Variants in PIK3R5 observed in about 807,000 individuals in gnomAD.
The protein encoded by PIK3R5 is phosphoinositide 3-kinase regulatory subunit 5.
Under a neutral mutation model 94.9 loss-of-function variants are expected in PIK3R5, and 32 were observed. The observed-to-expected ratio is 0.34, with a 90% CI of 0.25 to 0.45. The LOEUF (loss-of-function observed/expected upper bound fraction) is 0.45, where lower values mean the gene tolerates loss of function less well. Ranked by LOEUF, PIK3R5 falls within the 20% of genes least tolerant of loss-of-function variation. The probability of loss-of-function intolerance (pLI) is 1.00; values close to 1 mark genes in which losing one functional copy is unlikely to be tolerated. For synonymous variants in PIK3R5, 443 were observed against 479.4 expected, an observed-to-expected ratio of 0.92 and a Z score of 0.99; for missense variants, 853 against 1,144.6, an observed-to-expected ratio of 0.75 and a Z score of 3.68.
chr17:8,926,634 C>T (rs1459993839), intron 1 of PIK3R5, among the ~76,000 whole-genome samples: 1 of 152,064 alleles, frequency 6.6e-6, no homozygotes, highest in Non-Finnish European at 1.5e-5. Context: ...TTATTCACTA[C>T]CACAAGAACA....
intron 1 of PIK3R5, among the ~76,000 whole-genome samples, chr17:8,954,336 A>G (rs539767666): frequency 2.1e-4 from 32 of 152,356 alleles, no homozygotes; most frequent in Non-Finnish European, 4.6e-4. Context: ...TCCAGGGTCA[A>G]GTAGGCCAGG....
Position 8,894,038 on chromosome 17 carries a change from C to T in PIK3R5, c.413-383G>A, listed in dbSNP as rs562949997. On this transcript the variant is annotated intron_variant, in intron 5 of 18. Coordinates refer to ENST00000447110, the MANE Select transcript of PIK3R5 (RefSeq NM_001142633.3). ...GAGAAAGAGATCCAGGGTGAGAGCC[C>T]GTGTCGGAAGCCTGAGTTCTATTCC... The T allele has an allele frequency of 4.6e-5, 8 of 172,658 alleles. No homozygotes were observed. In the East Asian group the frequency reaches 8.4e-4, roughly 18 times the overall value. The allele number at this position is 172,658 out of a possible 1,614,324, so 10.7% of individuals were successfully genotyped here. A position where few individuals can be genotyped will look rare whatever the true frequency, so the allele number is the denominator to read the frequency against.
chr17:8,928,314 A>G (rs908654489), intron 1 of PIK3R5, among the ~76,000 whole-genome samples: 1 of 152,224 alleles, frequency 6.6e-6, no homozygotes, highest in Non-Finnish European at 1.5e-5. Flanking sequence ...GGAGAGGAGA[A>G]AGAAGGCAGG....
intron 1 of PIK3R5, among the ~76,000 whole-genome samples, chr17:8,920,802 G>A (rs1054413070): frequency 6.7e-5 from 10 of 149,664 alleles, no homozygotes; most frequent in African/African-American, 2.4e-4. Flanking sequence ...TAAAATACAG[G>A]TCCATATGTA....
chr17:8,933,362 T>A (rs961586797), intron 1 of PIK3R5, among the ~76,000 whole-genome samples: 2 of 152,098 alleles, frequency 1.3e-5, no homozygotes, highest in Non-Finnish European at 1.5e-5. Flanking sequence ...AAAACAATAT[T>A]TTTAAATAAT....
intron 1 of PIK3R5, among the ~76,000 whole-genome samples, chr17:8,949,448 C>T (rs2091335254): frequency 6.6e-6 from 1 of 152,092 alleles, no homozygotes; most frequent in Non-Finnish European, 1.5e-5. Context: ...CATAAAGAAA[C>T]TTGAGGTTGT....
At chr17:8,885,864 G>A (rs1458708592) in intron 14 of PIK3R5, among the ~76,000 whole-genome samples, 3 of 33,920 alleles carry the variant, frequency 8.8e-5, no homozygotes, top group Admixed American at 4.3e-4. Context: ...GGGTAACTCC[G>A]CCTCCCCATG....
Position 8,896,245 on chromosome 17 carries a change from A to AT in PIK3R5, c.413-2591dup, listed in dbSNP as rs2151383873. On this transcript the variant is annotated intron_variant, in intron 5 of 18. Coordinates refer to ENST00000447110, the MANE Select transcript of PIK3R5 (RefSeq NM_001142633.3). The surrounding 1 kb of genome is among the most constrained non-coding windows in gnomAD (Gnocchi z 4.0). ...CCTGGTGATGCCAGGGAGGCCATGAATGCTAAGTGGGGTGTGCAATGTCAG... is the reference window on the plus strand; with the variant it reads ...CCTGGTGATGCCAGGGAGGCCATGAATTGCTAAGTGGGGTGTGCAATGTCAG... 6.6e-6 allele frequency among the ~76,000 whole-genome samples: 1 copy of AT among 152,166 alleles called. No individual in the cohort carries two copies. Among genetic ancestry groups the AT allele is most frequent in the South Asian group, 2.1e-4 (1 of 4,800 alleles).
Position 8,904,122 on chromosome 17 carries a change from A to G in PIK3R5, c.412+655T>C, listed in dbSNP as rs931216001. On this transcript the variant is annotated intron_variant, in intron 5 of 18. Transcript: ENST00000447110. The surrounding 1 kb of genome is among the most constrained non-coding windows in gnomAD (Gnocchi z 5.1). ...TCTATTGAGATGCTTTTGCGAATTT[A>G]TTCCTTTGAGTACTGATTCGCTGAG... is the stretch of plus-strand genomic sequence containing the variant. Among the ~76,000 whole-genome samples, 1 of 152,168 alleles carries G rather than the reference A, an allele frequency of 6.6e-6. No homozygotes were observed. Among genetic ancestry groups the G allele is most frequent in the Non-Finnish European group, 1.5e-5 (1 of 68,024 alleles).
rs2089767486 is a variant in PIK3R5 at position 8,884,652 on chromosome 17, G to T, written c.2205+55C>A. 2.9e-6 allele frequency: 4 copies of T among 1,398,754 alleles called. No homozygotes were observed. Among genetic ancestry groups the T allele is most frequent in the East Asian group, 4.6e-5 (2 of 43,710 alleles). The allele number at this position is 1,398,754 out of a possible 1,614,324, so 86.6% of individuals were successfully genotyped here. On this transcript the variant is annotated intron_variant, in intron 15 of 18. Coordinates refer to ENST00000447110, the MANE Select transcript of PIK3R5 (RefSeq NM_001142633.3). The surrounding 1 kb of genome is among the most constrained non-coding windows in gnomAD (Gnocchi z 5.8). ...CCAGCTCTGGGTCCAAGCTCTGGCG[G>T]AGGAAGTATCAGCAGCAGATCCTGG...
intron 1 of PIK3R5, among the ~76,000 whole-genome samples, chr17:8,948,061 AAAAAAG>A (rs1486770943): frequency 3.4e-5 from 5 of 149,102 alleles, no homozygotes; most frequent in African/African-American, 7.6e-5. Context: ...AAAAAAAAAA[AAAAAAG>A]AAAAGAAAAG....
intron 4 of PIK3R5, 142 bp from the exon 5 acceptor site, chr17:8,905,057 G>A: frequency 1.1e-6 from 1 of 908,648 alleles, no homozygotes; most frequent in South Asian, 1.6e-5. Context: ...ACAAGGTCAG[G>A]TGGAACTGGA....
At position 8,925,020 on chromosome 17, in the gene PIK3R5, A is replaced by G. The variant is rs2090844316; in HGVS notation, c.-13-13513T>C. ...AGATAGATAGTTAGATAGTAGATGG[A>G]TAGATAGATAGATAGTAGATGAATA... On this transcript the variant is annotated intron_variant, in intron 1 of 18. Coordinates refer to ENST00000447110, the MANE Select transcript of PIK3R5 (RefSeq NM_001142633.3). This position sits in a 1 kb window ranked among gnomAD's most constrained non-coding sequence, Gnocchi z 5.1. Among the ~76,000 whole-genome samples, 1 of 152,116 alleles carries G rather than the reference A, an allele frequency of 6.6e-6. No individual in the cohort carries two copies. Among genetic ancestry groups the G allele is most frequent in the African/African-American group, 2.4e-5 (1 of 41,420 alleles).
chr17:8,907,201 T>G (rs2090415427), intron 3 of PIK3R5, among the ~76,000 whole-genome samples: 1 of 151,334 alleles, frequency 6.6e-6, no homozygotes, highest in Non-Finnish European at 1.5e-5. Context: ...TTTTTGTATT[T>G]TTTTTTTTTT....
At chr17:8,947,063 G>A (rs1413437422) in intron 1 of PIK3R5, among the ~76,000 whole-genome samples, 1 of 145,594 alleles carries the variant, frequency 6.9e-6, no homozygotes, top group East Asian at 2.0e-4. Flanking sequence ...AGATGAAGAG[G>A]TTTGAAGGAA....
chr17:8,880,937 C>T lies in PIK3R5; in HGVS notation c.2463G>A (p.Gln821=). The stretch of plus-strand genomic sequence containing the variant: ...CACTCTGCAGGATCTTTCTCTCATC[C>T]TGGTCCAGGCACACAGCAAAGGGGC... ...NSCPFAVCLD[Q]DERKILQSVV... is the part of the protein sequence containing the mutation. The change falls in exon 18 of 19, where the codon CAG becomes CAA. Residue 821 remains glutamine (Q), a synonymous_variant. Coordinates refer to ENST00000447110, the MANE Select transcript of PIK3R5 (RefSeq NM_001142633.3). 6.2e-7 allele frequency: 1 copy of T among 1,614,152 alleles called. No individual in the cohort carries two copies. The highest frequency in any genetic ancestry group is 8.5e-7 in the Non-Finnish European group (1 of 1,179,996).
At position 8,887,512 on chromosome 17, in the gene PIK3R5, G is replaced by A. The variant is rs1336492934; in HGVS notation, c.1779+9C>T. 3 of 1,600,316 alleles carry A rather than the reference G, an allele frequency of 1.9e-6. No homozygotes were observed. The highest frequency in any genetic ancestry group is 2.6e-6 in the Non-Finnish European group (3 of 1,173,558). On this transcript the variant is annotated intron_variant, in intron 11 of 18. Transcript: ENST00000447110. ...TTTCCCCGACCATTGGCCCAGGCTG[G>A]GGACATACTCCAGGGCTGGCGTGCC... is the stretch of plus-strand genomic sequence containing the variant.
chr17:8,945,978 G>A lies in PIK3R5; in HGVS notation c.-14+19618C>T, dbSNP rs964742382. The stretch of plus-strand genomic sequence containing the variant: ...CCCAAACCACATGGAGAGGCCCCTT[G>A]TAGGCATTCTCATTTACAGTTTCAG... On this transcript the variant is annotated intron_variant, in intron 1 of 18. Transcript: ENST00000447110. The surrounding 1 kb of genome is among the most constrained non-coding windows in gnomAD (Gnocchi z 4.0). Among the ~76,000 whole-genome samples the A allele has an allele frequency of 2.0e-5, 3 of 152,164 alleles. No individual in the cohort carries two copies. The highest frequency in any genetic ancestry group is 7.2e-5 in the African/African-American group (3 of 41,430).
At position 8,904,784 on chromosome 17, in the gene PIK3R5, C is replaced by T. The variant is rs542008527; in HGVS notation, c.405G>A (p.Lys135=). The T allele has an allele frequency of 3.7e-6, 6 of 1,614,126 alleles. No homozygotes were observed. In the South Asian group the frequency reaches 6.6e-5, roughly 18 times the overall value. Residue 135 remains lysine (K), a synonymous_variant, in exon 5 of 19, where the codon AAG becomes AAA. Transcript: ENST00000447110. The surrounding 1 kb of genome is among the most constrained non-coding windows in gnomAD (Gnocchi z 5.1). The part of the protein sequence containing the change: ...ELLTFIDAEL[K]APGISYQRLV... ...AGCTGCCTCAGTGCTTACCTGGGGC[C>T]TTGAGTTCAGCATCAATGAAGGTGA...
Sources: allele counts gnomAD v4.1 joint callset (sites outside exome capture counted in the v4.1 genomes callset), GRCh38; gene constraint gnomAD v4.1.1; non-coding constraint Gnocchi (gnomAD v3.1); transcripts MANE v1.5; gene names NCBI Gene and HGNC (gene_info 2026-07-23, HGNC 2026-07-21).